The following SPECC1 variants were observed in gnomAD, a reference collection of about 807,000 sequenced individuals.
The protein encoded by SPECC1 is cytospin-B.
Under a neutral mutation model 104.1 loss-of-function variants are expected in SPECC1, and 62 were observed. The ratio of observed to expected loss-of-function variants is 0.60; its 90% CI spans 0.49 to 0.74. The LOEUF is 0.74. SPECC1 is among the 30% of genes least tolerant of loss of function. The probability of loss-of-function intolerance (pLI) is 0.00; values close to 1 mark genes in which losing one functional copy is unlikely to be tolerated. For synonymous variants in SPECC1, 513 were observed against 501.6 expected (o/e 1.02, Z -0.30); for missense variants, 1,306 against 1,310.5 (o/e 1.00, Z 0.05).
At chr17:20,301,718 T>C (rs777651781) in intron 13 of SPECC1, among the ~76,000 whole-genome samples, 2 of 152,176 alleles carry the variant, frequency 1.3e-5, no homozygotes, top group Admixed American at 1.3e-4. Flanking sequence ...TTGTTGTTGC[T>C]GTTTTGAGAC....
intron 2 of SPECC1, among the ~76,000 whole-genome samples, chr17:20,104,789 G>A (rs533880468): frequency 3.1e-4 from 46 of 150,436 alleles, no homozygotes; most frequent in African/African-American, 1.1e-3. Context: ...CTCTTTTGGA[G>A]GTGAGGAGAC....
At chr17:20,175,134 T>C (rs1460464062) in intron 3 of SPECC1, among the ~76,000 whole-genome samples, 1 of 151,958 alleles carries the variant, frequency 6.6e-6, no homozygotes, top group Non-Finnish European at 1.5e-5. Context: ...GTTTCTGGGG[T>C]AATGCTGTGG....
chr17:20,202,994 A>C (rs564637449), intron 3 of SPECC1, among the ~76,000 whole-genome samples: 3 of 152,268 alleles, frequency 2.0e-5, no homozygotes, highest in South Asian at 2.1e-4. Flanking sequence ...ATCAGCCTTT[A>C]TGTCATCAGG....
chr17:20,317,300 C>G lies in SPECC1; in HGVS notation c.*3235C>G, dbSNP rs1406724649. 2 of 107,044 alleles carry G rather than the reference C, an allele frequency of 1.9e-5. No individual in the cohort carries two copies. The highest frequency in any genetic ancestry group is 3.8e-5 in the African/African-American group (1 of 26,464). The allele number at this position is 107,044 out of a possible 1,614,324, so 6.6% of individuals were successfully genotyped here. On this transcript the variant is annotated 3_prime_UTR_variant, in exon 15 of 15. Transcript: ENST00000395527. The stretch of plus-strand genomic sequence containing the variant: ...TTTTTTGAGAGAGCGTCTCACTTCT[C>G]TGTCACCCAGGCTAGAGTAGTGTGA...
intron 4 of SPECC1, among the ~76,000 whole-genome samples, chr17:20,208,126 A>G (rs2036903737): frequency 6.6e-6 from 1 of 152,240 alleles, no homozygotes; most frequent in African/African-American, 2.4e-5. Context: ...GGCACAACAT[A>G]TATGTTTAAA....
At chr17:20,161,621 T>G (rs141616417) in intron 3 of SPECC1, among the ~76,000 whole-genome samples, 43 of 152,162 alleles carry the variant, frequency 2.8e-4, no homozygotes, top group Admixed American at 2.0e-3. Flanking sequence ...GAGGAAGGAG[T>G]AAGGAGAATG....
intron 12 of SPECC1, among the ~76,000 whole-genome samples, chr17:20,271,352 C>A (rs183043162): frequency 6.6e-6 from 1 of 152,078 alleles, no homozygotes; most frequent in South Asian, 2.1e-4. Context: ...ACTCCCACCC[C>A]CCCCATGCTT....
At chr17:20,155,871 A>T in intron 3 of SPECC1, 1 of 1,079,004 alleles carries the variant, frequency 9.3e-7, no homozygotes, top group Non-Finnish European at 1.1e-6. Flanking sequence ...AAGGAAATAC[A>T]GATGAGGTGG....
chr17:20,159,796 C>T (rs2032968466), intron 3 of SPECC1, among the ~76,000 whole-genome samples: 1 of 152,298 alleles, frequency 6.6e-6, no homozygotes, highest in East Asian at 1.9e-4. Context: ...CTAAAAGGTC[C>T]TAGTTAACAG....
chr17:20,271,398 G>A (rs1275369485), intron 12 of SPECC1, among the ~76,000 whole-genome samples: 2 of 150,734 alleles, frequency 1.3e-5, no homozygotes, highest in Admixed American at 1.3e-4. Flanking sequence ...GTACATATCT[G>A]GAGTTCACAT....
chr17:20,197,523 T>A (rs914915714), intron 3 of SPECC1, among the ~76,000 whole-genome samples: 3 of 152,182 alleles, frequency 2.0e-5, no homozygotes, highest in Non-Finnish European at 2.9e-5. Flanking sequence ...TTTCCTTTCC[T>A]AGAAGGAATT....
Position 20,230,442 on chromosome 17 carries a change from G to A in SPECC1, c.2072-1316G>A, listed in dbSNP as rs544377815. ...TCAGGATACAACTGAAAACCTGGAC[G>A]CCATCATCATCAGTGTATCCTTCCA... On this transcript the variant is annotated intron_variant, in intron 5 of 14. Coordinates refer to ENST00000395527, the MANE Select transcript of SPECC1 (RefSeq NM_001243439.2). Among the ~76,000 whole-genome samples the A allele has an allele frequency of 4.6e-5, 7 of 152,264 alleles. No individual in the cohort carries two copies. The East Asian group carries it at 9.7e-4, about 21-fold the overall frequency.
chr17:20,271,930 C>T (rs2040422622), intron 12 of SPECC1, among the ~76,000 whole-genome samples: 1 of 152,064 alleles, frequency 6.6e-6, no homozygotes, highest in South Asian at 2.1e-4. Context: ...ATTTTGTGGG[C>T]ATCGCTCCAT....
rs1286582338 is a variant in SPECC1 at position 20,253,491 on chromosome 17, C to T, written c.2599-14C>T. The stretch of plus-strand genomic sequence containing the variant: ...TATGAGCTCACCGTGCTGGTGTCCC[C>T]CTGGTTTTTACAGAGGCATTCGACT... On this transcript the variant is annotated splice_polypyrimidine_tract_variant and intron_variant, in intron 9 of 14. Coordinates refer to ENST00000395527, the MANE Select transcript of SPECC1 (RefSeq NM_001243439.2). 2 of 1,613,710 alleles carry T rather than the reference C, an allele frequency of 1.2e-6. No homozygotes were observed. Among genetic ancestry groups the T allele is most frequent in the East Asian group, 2.2e-5 (1 of 44,882 alleles).
At chr17:20,114,969 T>C (rs1441513663) in intron 3 of SPECC1, among the ~76,000 whole-genome samples, 1 of 152,230 alleles carries the variant, frequency 6.6e-6, no homozygotes, top group Non-Finnish European at 1.5e-5. Flanking sequence ...TTTCACTTTG[T>C]ACTATATTTT....
At chr17:20,085,499 T>C (rs1366325609) in intron 1 of SPECC1, among the ~76,000 whole-genome samples, 1 of 152,196 alleles carries the variant, frequency 6.6e-6, no homozygotes, top group Non-Finnish European at 1.5e-5. Flanking sequence ...AGGAGCAGCC[T>C]GCAAAATTAT....
intron 2 of SPECC1, among the ~76,000 whole-genome samples, chr17:20,106,890 C>G (rs1380914179): frequency 6.6e-6 from 1 of 152,002 alleles, no homozygotes; most frequent in Non-Finnish European, 1.5e-5. Flanking sequence ...GGCGTGGTGG[C>G]CCACGCCTGT....
intron 3 of SPECC1, among the ~76,000 whole-genome samples, chr17:20,116,066 A>G (rs1264570520): frequency 6.6e-6 from 1 of 152,016 alleles, no homozygotes; most frequent in Non-Finnish European, 1.5e-5. Flanking sequence ...TAATATATCA[A>G]TAACTTTCTT....
At chr17:20,080,500 C>G (rs997985953) in intron 1 of SPECC1, among the ~76,000 whole-genome samples, 2 of 152,018 alleles carry the variant, frequency 1.3e-5, no homozygotes, top group Admixed American at 1.3e-4. Context: ...CTCCTTATAA[C>G]GAGAAGAGCC....
Sources: gnomAD v4.1 joint callset for allele counts (sites outside exome capture counted in the v4.1 genomes callset) on GRCh38, gnomAD v4.1.1 for gene constraint, MANE v1.5 for transcripts, NCBI Gene and HGNC (gene_info 2026-07-23, HGNC 2026-07-21) for gene names.